WWOX: variants seen among roughly 807,000 people sequenced by gnomAD.
WWOX encodes WW domain containing oxidoreductase, also known as WW domain-containing oxidoreductase.
WWOX carries 69 observed loss-of-function variants against 46.2 expected under a neutral mutation model. The observed-to-expected ratio is 1.49, with a 90% CI of 1.23 to 1.82. The LOEUF is 1.82. WWOX is among the 40% of genes most tolerant of loss of function. WWOX has a pLI of 0.00. For missense variants in WWOX, 919 were observed against 542.6 expected (o/e 1.69, Z -6.89); for synonymous variants, 359 against 202.6 (o/e 1.77, Z -6.56).
chr16:78,709,482 T>C (rs530742431), intron 8 of WWOX, among the ~76,000 whole-genome samples: 1 of 152,174 alleles, frequency 6.6e-6, no homozygotes, highest in African/African-American at 2.4e-5. Flanking sequence ...CAGGGTATTC[T>C]GTTCATCTCT....
intron 8 of WWOX, among the ~76,000 whole-genome samples, chr16:78,760,066 A>T (rs541669611): frequency 6.6e-6 from 1 of 152,232 alleles, no homozygotes; most frequent in East Asian, 1.9e-4. Context: ...ACATACCCAA[A>T]ACTGGGTAAT....
chr16:78,355,207 A>G (rs1309353426), intron 5 of WWOX, among the ~76,000 whole-genome samples: 2 of 151,402 alleles, frequency 1.3e-5, no homozygotes, highest in Non-Finnish European at 2.9e-5. Flanking sequence ...CTATTAGGAA[A>G]CCCCTTTTTT....
At chr16:78,630,006 T>A (rs921471634) in intron 8 of WWOX, among the ~76,000 whole-genome samples, 2 of 152,204 alleles carry the variant, frequency 1.3e-5, no homozygotes, top group South Asian at 2.1e-4. Flanking sequence ...CCCTGCCTTC[T>A]TTTTTTCTCC....
chr16:78,394,623 C>T (rs970469732), intron 6 of WWOX, among the ~76,000 whole-genome samples: 2 of 152,178 alleles, frequency 1.3e-5, no homozygotes, highest in Non-Finnish European at 2.9e-5. Context: ...AGGTAAACTT[C>T]TTGTAAGGGG....
intron 8 of WWOX, among the ~76,000 whole-genome samples, chr16:78,808,103 G>C (rs889660357): frequency 2.6e-5 from 4 of 152,182 alleles, no homozygotes; most frequent in African/African-American, 7.2e-5. Context: ...CTAGGGCCTA[G>C]GCCCAAGCAA....
chr16:79,134,821 C>G (rs116628446), intron 8 of WWOX, among the ~76,000 whole-genome samples: 176 of 152,228 alleles, frequency 1.2e-3, no homozygotes, highest in Non-Finnish European at 2.3e-3. Flanking sequence ...TCATTTGACA[C>G]GGGATGGCCT....
chr16:79,208,740 G>GCCGAAAAGCTGGTGAGCC (rs2051608842), intron 8 of WWOX, among the ~76,000 whole-genome samples: 1 of 151,974 alleles, frequency 6.6e-6, no homozygotes, highest in Non-Finnish European at 1.5e-5. Flanking sequence ...TGATATGTAG[G>GCCGAAAAGCTGGTGAGCC]CCGAAAAGCT....
At chr16:78,345,639 C>CAAAAAAAAAAA (rs1193432164) in intron 5 of WWOX, among the ~76,000 whole-genome samples, 1 of 25,020 alleles carries the variant, frequency 4.0e-5, no homozygotes, top group Non-Finnish European at 9.6e-5. Context: ...GACCCTGTCT[C>CAAAAAAAAAAA]AAAAAAAAAA....
chr16:78,715,915 A>G (rs993007939), intron 8 of WWOX, among the ~76,000 whole-genome samples: 1 of 152,200 alleles, frequency 6.6e-6, no homozygotes, highest in African/African-American at 2.4e-5. Context: ...GAAGCCTGCC[A>G]GAGGTAGAGC....
intron 8 of WWOX, among the ~76,000 whole-genome samples, chr16:79,146,836 C>G (rs563508444): frequency 1.3e-5 from 2 of 152,200 alleles, no homozygotes; most frequent in South Asian, 2.1e-4. Context: ...GTAGCAAATA[C>G]TGTGTGAGGT....
At chr16:78,345,028 G>C (rs2081070962) in intron 5 of WWOX, among the ~76,000 whole-genome samples, 1 of 119,746 alleles carries the variant, frequency 8.4e-6, no homozygotes, top group Non-Finnish European at 2.0e-5. Context: ...TTGATAAGAT[G>C]GTTGTGGAAA....
At chr16:79,195,082 G>A (rs536115459) in intron 8 of WWOX, among the ~76,000 whole-genome samples, 2 of 152,170 alleles carry the variant, frequency 1.3e-5, no homozygotes, top group Non-Finnish European at 2.9e-5. Flanking sequence ...TGGCTAAAGT[G>A]TGAGCATACC....
intron 8 of WWOX, among the ~76,000 whole-genome samples, chr16:78,947,290 G>T (rs115723694): frequency 2.5e-3 from 375 of 152,228 alleles, no homozygotes; most frequent in African/African-American, 8.1e-3. Context: ...CCCTGTTTCT[G>T]CCTGAAGCAA....
At chr16:78,500,188 A>C (rs547599666) in intron 8 of WWOX, among the ~76,000 whole-genome samples, 2 of 152,180 alleles carry the variant, frequency 1.3e-5, no homozygotes, top group Non-Finnish European at 2.9e-5. Flanking sequence ...CCTACGGTCA[A>C]TGCAGTACTA....
intron 8 of WWOX, among the ~76,000 whole-genome samples, chr16:79,147,285 C>T (rs2050198970): frequency 6.6e-6 from 1 of 152,222 alleles, no homozygotes; most frequent in Admixed American, 6.5e-5. Flanking sequence ...CTGGCAACCA[C>T]TAAACTGTTC....
chr16:79,053,124 G>C lies in WWOX; in HGVS notation c.1057-158484G>C, dbSNP rs575649660. 2.0e-5 allele frequency among the ~76,000 whole-genome samples: 3 copies of C among 152,100 alleles called. No homozygotes were observed. In the South Asian group the frequency reaches 6.2e-4, roughly 32 times the overall value. On this transcript the variant is annotated intron_variant, in intron 8 of 8. Transcript: ENST00000566780. ...TTTGATCATGTTCTTCACAATATTA[G>C]AGGTAAAACATGAACTCAACGCTTT...
At chr16:78,759,921 C>G (rs1460870596) in intron 8 of WWOX, among the ~76,000 whole-genome samples, 1 of 152,188 alleles carries the variant, frequency 6.6e-6, no homozygotes, top group Non-Finnish European at 1.5e-5. Flanking sequence ...GCACTCTAAT[C>G]TCTGCTTTCA....
At chr16:78,293,768 G>C (rs1420512152) in intron 5 of WWOX, among the ~76,000 whole-genome samples, 2 of 151,926 alleles carry the variant, frequency 1.3e-5, no homozygotes, top group Non-Finnish European at 2.9e-5. Context: ...ACGAGGTCAG[G>C]AGTTCCAGAC....
intron 8 of WWOX, among the ~76,000 whole-genome samples, chr16:79,007,819 AATC>A (rs1165772119): frequency 3.3e-5 from 5 of 152,236 alleles, no homozygotes; most frequent in African/African-American, 1.2e-4. Context: ...TAGAGAAAGT[AATC>A]ATCATAACCT....
Sources: allele counts gnomAD v4.1 joint callset (sites outside exome capture counted in the v4.1 genomes callset), GRCh38; gene constraint gnomAD v4.1.1; transcripts MANE v1.5; gene names NCBI Gene and HGNC (gene_info 2026-07-23, HGNC 2026-07-21).